Variants in COPS4 observed in about 807,000 individuals in gnomAD.
The protein encoded by COPS4 is COP9 signalosome complex subunit 4.
In COPS4, 8 loss-of-function variants were observed where a neutral mutation model predicts 55.1. That is an observed-to-expected ratio of 0.15 (90% CI 0.09 to 0.26). The LOEUF is 0.26. Among genes scored for constraint, COPS4 ranks in the 10% least tolerant of loss-of-function variants. The probability of loss-of-function intolerance (pLI) is 1.00; values close to 1 mark genes in which losing one functional copy is unlikely to be tolerated. For missense variants in COPS4, 248 were observed against 484.0 expected (o/e 0.51, Z 4.58); for synonymous variants, 185 against 165.7 (o/e 1.12, Z -0.90).
chr4:83,066,337 GGAT>G (rs1731291950), intron 7 of COPS4, 98 bp from the exon 8 acceptor site: 1 of 568,370 alleles, frequency 1.8e-6, no homozygotes, highest in East Asian at 2.9e-5. Context: ...GAGTTAAAGA[GGAT>G]GAGTTATTAC....
intron 6 of COPS4, among the ~76,000 whole-genome samples, chr4:83,062,081 A>AAACCGTT (rs1223199179): frequency 6.6e-6 from 1 of 152,164 alleles, no homozygotes; most frequent in Non-Finnish European, 1.5e-5. Context: ...TTTAGAAAGA[A>AAACCGTT]AACCGTTGTT....
Position 83,057,355 on chromosome 4 carries a change from A to G in COPS4, c.662A>G (p.Glu221Gly). The change falls in exon 6 of 10, where the codon GAA becomes GGA. Residue 221 changes from glutamate to glycine, a missense_variant. This residue lies in a region of COPS4 where 155 missense variants were observed against 326.6 expected (regional missense o/e 0.47). Coordinates refer to ENST00000264389, the MANE Select transcript of COPS4 (RefSeq NM_016129.3). ...LSYKTIVHES[E>G]RLEALKHALH... ...TACAAGACAATAGTCCACGAAAGTG[A>G]AAGACTAGAGGCCTTAAAACATGCT... 1.2e-6 allele frequency: 2 copies of G among 1,613,324 alleles called. No homozygotes were observed. Among genetic ancestry groups the G allele is most frequent in the East Asian group, 2.2e-5 (1 of 44,838 alleles).
At chr4:83,068,661 A>G (rs1560444186) in intron 9 of COPS4, 139 bp downstream of exon 9, 1 of 609,300 alleles carries the variant, frequency 1.6e-6, no homozygotes, top group Non-Finnish European at 2.8e-6. Flanking sequence ...ATAATTTAAA[A>G]TAATTTTTAA....
At chr4:83,049,057 G>A in intron 2 of COPS4, 109 bp from the exon 3 acceptor site, 2 of 974,864 alleles carry the variant, frequency 2.1e-6, no homozygotes, top group African/African-American at 3.4e-5. Context: ...ATGCATTGAA[G>A]GCTGTACTAA....
In COPS4 at chr4:83,057,373, A is replaced by C; in HGVS notation, c.680A>C (p.Lys227Thr). The C allele has an allele frequency of 1.2e-6, 2 of 1,612,986 alleles. No individual in the cohort carries two copies. Among genetic ancestry groups the C allele is most frequent in the Non-Finnish European group, 1.7e-6 (2 of 1,179,686 alleles). The change falls in exon 6 of 10, where the codon AAA becomes ACA. Residue 227 changes from lysine (K) to threonine (T), a missense_variant. By Grantham distance (78) the Lys-to-Thr change is moderately conservative. Coordinates refer to ENST00000264389, the MANE Select transcript of COPS4 (RefSeq NM_016129.3). The stretch of plus-strand genomic sequence containing the variant: ...GAAAGTGAAAGACTAGAGGCCTTAA[A>C]ACATGCTTTGCACTGTACGATCTTA... ...VHESERLEAL[K>T]HALHCTILAS...
intron 8 of COPS4, among the ~76,000 whole-genome samples, chr4:83,067,004 C>T (rs1330125510): frequency 6.6e-6 from 1 of 152,074 alleles, no homozygotes; most frequent in African/African-American, 2.4e-5. Context: ...CCTTAAAAGT[C>T]GTGCAGTTAT....
chr4:83,056,034 T>C (rs1442663425), intron 4 of COPS4, among the ~76,000 whole-genome samples: 1 of 151,908 alleles, frequency 6.6e-6, no homozygotes, highest in Non-Finnish European at 1.5e-5. Flanking sequence ...GTTCAAGCAA[T>C]TCTCCTGTCT....
intron 8 of COPS4, 105 bp from the exon 9 acceptor site, chr4:83,068,333 A>C: frequency 2.8e-6 from 2 of 725,320 alleles, no homozygotes; most frequent in Non-Finnish European, 4.8e-6. Context: ...TGTATATGTA[A>C]AGTTTAGTGA....
chr4:83,051,603 G>GAAGAATAA (rs1156889332), intron 4 of COPS4, among the ~76,000 whole-genome samples: 1 of 152,156 alleles, frequency 6.6e-6, no homozygotes, highest in Non-Finnish European at 1.5e-5. Context: ...TTGGAGTGGG[G>GAAGAATAA]AAGAATAGGT....
intron 6 of COPS4, among the ~76,000 whole-genome samples, chr4:83,059,765 C>G (rs982912263): frequency 9.2e-5 from 14 of 151,652 alleles, no homozygotes; most frequent in African/African-American, 3.4e-4. Context: ...GGCGCGATCT[C>G]GGCTCACTGC....
chr4:83,045,322 C>T (rs1161700547), intron 1 of COPS4, among the ~76,000 whole-genome samples: 2 of 152,224 alleles, frequency 1.3e-5, no homozygotes, highest in South Asian at 2.1e-4. Context: ...GAAAAAGTGA[C>T]ACCTTAGATT....
chr4:83,063,621 A>T (rs1316030819), intron 7 of COPS4, among the ~76,000 whole-genome samples: 1 of 150,372 alleles, frequency 6.7e-6, no homozygotes, highest in Non-Finnish European at 1.5e-5. Context: ...GTTAGCCAGG[A>T]TGGTTTCGAT....
At chr4:83,061,458 C>T (rs150014001) in intron 6 of COPS4, among the ~76,000 whole-genome samples, 136 of 152,230 alleles carry the variant, frequency 8.9e-4, no homozygotes, top group South Asian at 2.5e-3. Flanking sequence ...TCTTCTTTTG[C>T]TCAAATTTAT....
intron 1 of COPS4, among the ~76,000 whole-genome samples, chr4:83,042,769 A>AT (rs1232381355): frequency 6.6e-6 from 1 of 151,846 alleles, no homozygotes; most frequent in East Asian, 1.9e-4. Flanking sequence ...TGCCTGGCTA[A>AT]TTTTTTTATA....
chr4:83,059,202 A>C (rs1463500715), intron 6 of COPS4, among the ~76,000 whole-genome samples: 1 of 151,986 alleles, frequency 6.6e-6, no homozygotes, highest in African/African-American at 2.4e-5. Flanking sequence ...CTAACTTGTC[A>C]TCTTTTTGGT....
At chr4:83,041,068 G>GTTTTTTTT (rs943826847) in intron 1 of COPS4, among the ~76,000 whole-genome samples, 1 of 133,010 alleles carries the variant, frequency 7.5e-6, no homozygotes, top group African/African-American at 2.8e-5. Flanking sequence ...TTTGTTTTTT[G>GTTTTTTTT]TTTTTTTTTT....
intron 1 of COPS4, among the ~76,000 whole-genome samples, chr4:83,045,348 A>G (rs528135532): frequency 6.6e-6 from 1 of 152,346 alleles, no homozygotes; most frequent in South Asian, 2.1e-4. Context: ...ACAGAATTAT[A>G]GATTCATTCT....
chr4:83,066,302 G>T (rs542804179), intron 7 of COPS4, 136 bp from the exon 8 acceptor site: 63 of 475,642 alleles, frequency 1.3e-4, no homozygotes, highest in African/African-American at 1.1e-3. Flanking sequence ...TCATATATTG[G>T]CTACTTTTAA....
chr4:83,057,127 A>G, intron 5 of COPS4, 48 bp downstream of exon 5: 1 of 1,555,910 alleles, frequency 6.4e-7, no homozygotes. Flanking sequence ...GAGAATTGTA[A>G]CATACTAAGA....
Sources: allele counts gnomAD v4.1 joint callset (sites outside exome capture counted in the v4.1 genomes callset), GRCh38; gene constraint gnomAD v4.1.1; regional missense constraint gnomAD v4.1.1; transcripts MANE v1.5; gene names NCBI Gene and HGNC (gene_info 2026-07-23, HGNC 2026-07-21).